Variants in WDR43 observed in about 807,000 individuals in gnomAD.
The protein encoded by WDR43 is WD repeat domain 43, also known as WD repeat-containing protein 43.
Under a neutral mutation model 91.4 loss-of-function variants are expected in WDR43, and 13 were observed. That is an observed-to-expected ratio of 0.14 (90% CI 0.09 to 0.23). WDR43 has a LOEUF of 0.23. Among genes scored for constraint, WDR43 ranks in the 10% least tolerant of loss-of-function variants. WDR43 has a pLI of 1.00. For synonymous variants in WDR43, 331 were observed against 287.9 expected (o/e 1.15, Z -1.51); for missense variants, 780 against 809.4 (o/e 0.96, Z 0.44).
intron 15 of WDR43, 70 bp from the exon 16 acceptor site, chr2:28,942,242 T>C: frequency 6.8e-7 from 1 of 1,475,856 alleles, no homozygotes. Flanking sequence ...GAAGGTTGGG[T>C]ATGCTGGTGG....
At chr2:28,933,752 C>T (rs1415682449) in intron 11 of WDR43, among the ~76,000 whole-genome samples, 1 of 152,182 alleles carries the variant, frequency 6.6e-6, no homozygotes, top group Non-Finnish European at 1.5e-5. Flanking sequence ...TTAATTATCA[C>T]AGAAAGGCAA....
Position 28,941,473 on chromosome 2 carries a change from G to A in WDR43, c.1633G>A (p.Val545Ile), listed in dbSNP as rs1432658307. 4 of 1,612,770 alleles carry A rather than the reference G, an allele frequency of 2.5e-6. No homozygotes were observed. Among genetic ancestry groups the A allele is most frequent in the East Asian group, 4.5e-5 (2 of 44,846 alleles). ...ASYLSTLPDL[V>I]PQLGTLYQLM... ...TTTTTTTCTCTAGTTGCCTGACCTG[G>A]TACCCCAGCTGGGGACACTCTACCA... Residue 545 changes from valine (V) to isoleucine (I), a missense_variant, in exon 15 of 18, where the codon GTA becomes ATA. Physicochemically the swap from Val to Ile is conservative, Grantham distance 29. Transcript: ENST00000407426.
intron 10 of WDR43, among the ~76,000 whole-genome samples, chr2:28,928,312 TTTTC>T (rs1341035627): frequency 2.6e-5 from 4 of 152,190 alleles, no homozygotes; most frequent in Non-Finnish European, 4.4e-5. Context: ...TATTCTTTTT[TTTTC>T]TTTGTCCAAT....
intron 16 of WDR43, among the ~76,000 whole-genome samples, chr2:28,944,163 A>G (rs1051411431): frequency 2.0e-5 from 3 of 152,222 alleles, no homozygotes; most frequent in Non-Finnish European, 2.9e-5. Flanking sequence ...AGAGTGGAGA[A>G]GCAGATATGA....
chr2:28,927,217 T>G, intron 9 of WDR43: 1 of 513,012 alleles, frequency 1.9e-6, no homozygotes, highest in Non-Finnish European at 3.9e-6. Context: ...TAAAAATCAT[T>G]GTGTCTTTAT....
intron 6 of WDR43, 35 bp from the exon 7 acceptor site, chr2:28,922,884 T>C (rs766838935): frequency 6.3e-7 from 1 of 1,595,870 alleles, no homozygotes; most frequent in South Asian, 1.1e-5. Flanking sequence ...GAGTATGTTA[T>C]CCATTATAAT....
In WDR43 at chr2:28,927,385, T is replaced by A. The variant is rs369516207; in HGVS notation, c.1174-184T>A. ...TATTGTAAGCTTTAAATTCACAGTC[T>A]TTCAGATTGTCACTTAAAAAGTTTG... On this transcript the variant is annotated intron_variant, in intron 9 of 17. Transcript: ENST00000407426. The A allele has an allele frequency of 2.3e-4, 167 of 713,534 alleles. 2 individuals carry two copies. The highest frequency in any genetic ancestry group is 2.0e-3 in the South Asian group (96 of 49,090). The allele number at this position is 713,534 out of a possible 1,614,324, so 44.2% of individuals were successfully genotyped here. A position where few individuals can be genotyped will look rare whatever the true frequency, so the allele number is the denominator to read the frequency against.
At chr2:28,943,087 A>G (rs1410967899) in intron 16 of WDR43, among the ~76,000 whole-genome samples, 1 of 152,242 alleles carries the variant, frequency 6.6e-6, no homozygotes, top group Non-Finnish European at 1.5e-5. Context: ...CTCACAAGAT[A>G]TGCCCAGATA....
At chr2:28,924,672 AC>A (rs370814344) in intron 7 of WDR43, among the ~76,000 whole-genome samples, 16 of 152,224 alleles carry the variant, frequency 1.1e-4, no homozygotes, top group African/African-American at 3.6e-4. Flanking sequence ...CTTGGACAGA[AC>A]CATACAGGAC....
At position 28,927,420 on chromosome 2, in the gene WDR43, A is replaced by AATTTAAAATAT. The variant is rs1266532414; in HGVS notation, c.1174-146_1174-136dup. 2.4e-5 allele frequency: 24 copies of AATTTAAAATAT among 995,140 alleles called. No individual in the cohort carries two copies. In the Admixed American group the frequency reaches 7.2e-4, roughly 30 times the overall value. 61.6% of individuals were successfully genotyped at this position (995,140 alleles called of 1,614,324 possible). A position where few individuals can be genotyped will look rare whatever the true frequency, so the allele number is the denominator to read the frequency against. On this transcript the variant is annotated intron_variant, in intron 9 of 17. Transcript: ENST00000407426. ...TCACTTAAAAAGTTTGTCAACATTC[A>AATTTAAAATAT]ATTTAAAATATATCTTAAATTGATA... is the stretch of plus-strand genomic sequence containing the variant.
chr2:28,938,336 A>T (rs1449200351), intron 14 of WDR43, among the ~76,000 whole-genome samples: 1 of 152,226 alleles, frequency 6.6e-6, no homozygotes, highest in African/African-American at 2.4e-5. Context: ...GTTTTTATAC[A>T]TGCTAATGTG....
intron 7 of WDR43, 119 bp downstream of exon 7, chr2:28,923,102 C>A: frequency 1.2e-6 from 1 of 861,092 alleles, no homozygotes; most frequent in Non-Finnish European, 1.7e-6. Context: ...ATTTTGAAAG[C>A]ATTTTTCTTT....
intron 2 of WDR43, among the ~76,000 whole-genome samples, chr2:28,905,455 G>A (rs1451828112): frequency 6.6e-6 from 1 of 152,160 alleles, no homozygotes; most frequent in Non-Finnish European, 1.5e-5. Flanking sequence ...GAAGCATTTA[G>A]TGTTTACCTG....
chr2:28,907,309 A>T (rs1670699594), intron 3 of WDR43, among the ~76,000 whole-genome samples: 1 of 152,130 alleles, frequency 6.6e-6, no homozygotes. Context: ...TTGGGATTTT[A>T]GATTCTGTCT....
chr2:28,902,703 C>T (rs980287938), intron 2 of WDR43, among the ~76,000 whole-genome samples: 1 of 152,228 alleles, frequency 6.6e-6, no homozygotes, highest in South Asian at 2.1e-4. Flanking sequence ...CAGGAAGGAA[C>T]AAGTCCCTTC....
intron 1 of WDR43, among the ~76,000 whole-genome samples, chr2:28,899,795 A>G (rs1006316870): frequency 1.3e-5 from 2 of 152,208 alleles, no homozygotes; most frequent in African/African-American, 4.8e-5. Context: ...ACCTTTTTAA[A>G]TATGCTTATC....
intron 1 of WDR43, chr2:28,895,194 G>C (rs1203883223): frequency 3.1e-6 from 1 of 323,528 alleles, no homozygotes; most frequent in East Asian, 5.0e-5. Context: ...CACTGTTGAC[G>C]GGCAGCCATG....
intron 11 of WDR43, among the ~76,000 whole-genome samples, chr2:28,933,330 G>A (rs1671282554): frequency 1.3e-5 from 2 of 151,984 alleles, no homozygotes; most frequent in South Asian, 4.1e-4. Flanking sequence ...TAAACCACAT[G>A]CAATTGGAAA....
intron 10 of WDR43, 55 bp downstream of exon 10, chr2:28,927,755 A>C: frequency 6.2e-7 from 1 of 1,607,216 alleles, no homozygotes; most frequent in East Asian, 2.2e-5. Flanking sequence ...ATTACTGGGA[A>C]ATTCTAACAA....
Sources: gnomAD v4.1 joint callset for allele counts (sites outside exome capture counted in the v4.1 genomes callset) on GRCh38, gnomAD v4.1.1 for gene constraint, MANE v1.5 for transcripts, NCBI Gene and HGNC (gene_info 2026-07-23, HGNC 2026-07-21) for gene names.